Variants in TRPM6 observed in about 807,000 individuals in gnomAD.
TRPM6 encodes transient receptor potential cation channel subfamily M member 6.
TRPM6 carries 111 observed loss-of-function variants against 247.6 expected under a neutral mutation model. The observed-to-expected ratio is 0.45, with a 90% CI of 0.38 to 0.52. TRPM6 has a LOEUF of 0.52. Ranked by LOEUF, TRPM6 falls within the 20% of genes least tolerant of loss-of-function variation. TRPM6 has a pLI of 0.00. For missense variants in TRPM6, 2,126 were observed against 2,421.5 expected, an observed-to-expected ratio of 0.88 and a Z score of 2.56; for synonymous variants, 892 against 853.8, an observed-to-expected ratio of 1.04 and a Z score of -0.78.
intron 27 of TRPM6, among the ~76,000 whole-genome samples, chr9:74,756,622 T>C (rs1043500674): frequency 7.2e-6 from 1 of 139,224 alleles, no homozygotes; most frequent in Non-Finnish European, 1.5e-5. Flanking sequence ...GGCAGGTGAA[T>C]AGCTTGAGCT....
At chr9:74,852,451 C>T (rs939459916) in intron 3 of TRPM6, among the ~76,000 whole-genome samples, 3 of 66,778 alleles carry the variant, frequency 4.5e-5, no homozygotes, top group African/African-American at 1.2e-4. Flanking sequence ...GCTCCCCCTC[C>T]TCCCTCTCCC....
chr9:74,775,187 G>A (rs1282011583), intron 24 of TRPM6, among the ~76,000 whole-genome samples: 1 of 152,152 alleles, frequency 6.6e-6, no homozygotes, highest in Non-Finnish European at 1.5e-5. Flanking sequence ...AAACACAAGT[G>A]AGAACCCCTA....
At position 74,783,032 on chromosome 9, in the gene TRPM6, A is replaced by G. The variant is rs79565470; in HGVS notation, c.2920-179T>C. 0.027 allele frequency among the ~76,000 whole-genome samples: 4,145 copies of G among 152,304 alleles called. 186 individuals carry two copies. Among genetic ancestry groups the G allele is most frequent in the African/African-American group, 0.092 (3,813 of 41,548 alleles). ...TGGCTAAACTCTTGTTTTCTCACAC[A>G]GTATGCATTTCAAGTCAACTTGGTC... On this transcript the variant is annotated intron_variant, in intron 21 of 38. Coordinates refer to ENST00000360774, the MANE Select transcript of TRPM6 (RefSeq NM_017662.5).
chr9:74,838,651 G>T (rs1336335861), intron 5 of TRPM6, among the ~76,000 whole-genome samples: 1 of 152,204 alleles, frequency 6.6e-6, no homozygotes, highest in African/African-American at 2.4e-5. Flanking sequence ...AAATGCTGTA[G>T]AAATTAAAAG....
At chr9:74,742,882 C>T (rs1825907487) in intron 32 of TRPM6, among the ~76,000 whole-genome samples, 1 of 152,164 alleles carries the variant, frequency 6.6e-6, no homozygotes, top group Non-Finnish European at 1.5e-5. Flanking sequence ...CCTCCACTCT[C>T]CTGAATACCA....
Position 74,801,275 on chromosome 9 carries a change from T to A in TRPM6, c.2009+623A>T, listed in dbSNP as rs1017177110. Among the ~76,000 whole-genome samples, 638 of 75,836 alleles carry A rather than the reference T, an allele frequency of 8.4e-3. 3 individuals are homozygous for A. Among genetic ancestry groups the A allele is most frequent in the Non-Finnish European group, 9.5e-3 (364 of 38,436 alleles). 49.8% of individuals were successfully genotyped at this position (75,836 alleles called of 152,430 possible). ...TTTTTTTTTTTTTTTTTTTTTTTTT[T>A]ATTGACGGAGTCTCACTCTGTCGCC... On this transcript the variant is annotated intron_variant, in intron 16 of 38. Coordinates refer to ENST00000360774, the MANE Select transcript of TRPM6 (RefSeq NM_017662.5).
At chr9:74,810,726 G>C in intron 13 of TRPM6, 89 bp downstream of exon 13, 2 of 1,165,002 alleles carry the variant, frequency 1.7e-6, no homozygotes, top group Non-Finnish European at 2.6e-6. Context: ...ATCCAAATCT[G>C]CATTTTACAA....
At chr9:74,756,679 T>C (rs1288485026) in intron 27 of TRPM6, among the ~76,000 whole-genome samples, 2 of 37,346 alleles carry the variant, frequency 5.4e-5, no homozygotes, top group African/African-American at 4.0e-4. Flanking sequence ...ACCCCGTCTC[T>C]ACAAAAAAAA....
intron 21 of TRPM6, among the ~76,000 whole-genome samples, chr9:74,783,398 T>C (rs1827531742): frequency 6.6e-6 from 1 of 152,202 alleles, no homozygotes; most frequent in African/African-American, 2.4e-5. Flanking sequence ...CTACATCTCT[T>C]AGCTTTCCTT....
At chr9:74,743,070 A>G (rs1190263897) in intron 32 of TRPM6, among the ~76,000 whole-genome samples, 1 of 152,236 alleles carries the variant, frequency 6.6e-6, no homozygotes, top group Non-Finnish European at 1.5e-5. Context: ...GATTTTAATT[A>G]GAAGCGAGTG....
intron 1 of TRPM6, among the ~76,000 whole-genome samples, chr9:74,859,089 C>T (rs185237489): frequency 8.0e-4 from 122 of 152,280 alleles, no homozygotes; most frequent in Middle Eastern, 3.4e-3. Context: ...GTACCATAAT[C>T]CTATGGAATA....
intron 29 of TRPM6, among the ~76,000 whole-genome samples, chr9:74,751,244 C>T (rs1489817761): frequency 1.3e-5 from 2 of 152,200 alleles, no homozygotes; most frequent in Non-Finnish European, 2.9e-5. Context: ...ACTTAGTATA[C>T]TCCAGGCATT....
At chr9:74,824,387 G>T (rs1330549569) in intron 7 of TRPM6, among the ~76,000 whole-genome samples, 1 of 151,388 alleles carries the variant, frequency 6.6e-6, no homozygotes, top group Non-Finnish European at 1.5e-5. Flanking sequence ...CCTGACCTCA[G>T]GGGATCCATC....
chr9:74,828,035 A>G (rs764069591), intron 6 of TRPM6, 86 bp from the exon 7 acceptor site: 9 of 1,385,514 alleles, frequency 6.5e-6, no homozygotes, highest in Non-Finnish European at 9.1e-6. Context: ...TTTATGTGCT[A>G]AAAGAGTTCC....
Position 74,800,428 on chromosome 9 carries a change from C to T in TRPM6, c.2064G>A (p.Glu688=). The T allele has an allele frequency of 6.2e-7, 1 of 1,613,976 alleles. No homozygotes were observed. Among genetic ancestry groups the T allele is most frequent in the Non-Finnish European group, 8.5e-7 (1 of 1,179,996 alleles). ...DLLEKAFKQN[E]RMAMTLLTYE... ...ACGTCAACAGCGTCATGGCCATGCG[C>T]TCATTCTGCTTGAATGCCTTCTCCA... Residue 688 remains glutamate (E), a synonymous_variant, in exon 17 of 39, where the codon GAG becomes GAA. Transcript: ENST00000360774.
At chr9:74,864,002 A>G (rs1564056921) in intron 1 of TRPM6, among the ~76,000 whole-genome samples, 1 of 152,002 alleles carries the variant, frequency 6.6e-6, no homozygotes, top group Admixed American at 6.6e-5. Context: ...AAAAAAATCT[A>G]TCATCTAACA....
chr9:74,755,758 G>C (rs990099541), intron 27 of TRPM6, among the ~76,000 whole-genome samples: 3 of 152,148 alleles, frequency 2.0e-5, no homozygotes, highest in Non-Finnish European at 4.4e-5. Flanking sequence ...TTAAGCCACA[G>C]GTCACTGGGT....
At chr9:74,870,131 T>G (rs1830975786) in intron 1 of TRPM6, among the ~76,000 whole-genome samples, 1 of 152,178 alleles carries the variant, frequency 6.6e-6, no homozygotes, top group Non-Finnish European at 1.5e-5. Context: ...AAGTAGGTTC[T>G]ACGGATCACA....
At chr9:74,830,987 G>A (rs901870552) in intron 6 of TRPM6, among the ~76,000 whole-genome samples, 4 of 151,856 alleles carry the variant, frequency 2.6e-5, no homozygotes, top group Non-Finnish European at 2.9e-5. Flanking sequence ...ATTCCACTTC[G>A]AGAATTAATT....
Sources: allele counts gnomAD v4.1 joint callset (sites outside exome capture counted in the v4.1 genomes callset), GRCh38; gene constraint gnomAD v4.1.1; transcripts MANE v1.5; gene names NCBI Gene and HGNC (gene_info 2026-07-23, HGNC 2026-07-21).